The following FRYL variants were observed in gnomAD, a reference collection of about 807,000 sequenced individuals.
FRYL encodes protein furry homolog-like.
Under a neutral mutation model 351.2 loss-of-function variants are expected in FRYL, and 150 were observed. The observed-to-expected ratio is 0.43, with a 90% confidence interval of 0.37 to 0.49. FRYL has a LOEUF of 0.49. Among genes scored for constraint, FRYL ranks in the 20% least tolerant of loss-of-function variants. The pLI is 0.00. For synonymous variants in FRYL, 1,153 were observed against 1,257.1 expected (o/e 0.92, Z 1.75); for missense variants, 3,036 against 3,619.3 (o/e 0.84, Z 4.13).
Position 48,528,191 on chromosome 4 carries a change from C to T in FRYL, c.7049G>A (p.Arg2350Lys). 1.2e-6 allele frequency: 2 copies of T among 1,612,936 alleles called. No individual in the cohort carries two copies. The highest frequency in any genetic ancestry group is 1.7e-6 in the Non-Finnish European group (2 of 1,179,348). The change falls in exon 51 of 64, where the codon AGG (arginine) becomes AAG (lysine). Residue 2350 changes from arginine to lysine, a missense_variant. Around this residue, in one of 7 missense-constraint regions of FRYL, gnomAD observed 1,987 missense variants for 2,311.7 expected, o/e 0.86. Transcript: ENST00000358350. Reference sequence around the variant, plus strand: ...TTTATGTACCTGTGATAACTGTGGCCTTTTCCAACTAACAGGAACCAAGGC... The same window carrying T: ...TTTATGTACCTGTGATAACTGTGGCTTTTTCCAACTAACAGGAACCAAGGC... Reference protein sequence around the residue: ...SNALVPVSWKRPQLSQRRTRE... With the variant: ...SNALVPVSWKKPQLSQRRTRE...
chr4:48,579,076 A>G lies in FRYL; in HGVS notation c.2425T>C (p.Leu809=). ...TGTTTAGGAAGATTTTCTTGCTTTA[A>G]AAAACTGGAGAGACTTATAATCCAT... is the stretch of plus-strand genomic sequence containing the variant. ...DPWIISLSSF[L]KQENLPKHCS... The change falls in exon 23 of 64, where the codon TTA becomes CTA. Residue 809 remains leucine (L), a synonymous_variant. Coordinates refer to ENST00000358350, the MANE Select transcript of FRYL (RefSeq NM_015030.2). 6.2e-7 allele frequency: 1 copy of G among 1,614,070 alleles called. No individual in the cohort carries two copies. Among genetic ancestry groups the G allele is most frequent in the South Asian group, 1.1e-5 (1 of 91,080 alleles).
intron 4 of FRYL, among the ~76,000 whole-genome samples, chr4:48,630,486 C>T (rs1311921844): frequency 6.6e-6 from 1 of 152,092 alleles, no homozygotes. Context: ...TTTCTTCTAT[C>T]TTCTTTTCTA....
At chr4:48,656,404 TTATATATAATG>T (rs1042284681) in intron 3 of FRYL, among the ~76,000 whole-genome samples, 5 of 129,036 alleles carry the variant, frequency 3.9e-5, no homozygotes, top group South Asian at 4.6e-4. Flanking sequence ...TAATATATAA[TTATATATAATG>T]TATATATAAT....
At chr4:48,726,117 T>A (rs1770054592) in intron 1 of FRYL, among the ~76,000 whole-genome samples, 1 of 152,218 alleles carries the variant, frequency 6.6e-6, no homozygotes, top group South Asian at 2.1e-4. Flanking sequence ...TTCTAAGATA[T>A]AAGTTCTTTT....
intron 3 of FRYL, chr4:48,681,060 A>C (rs1331688626): frequency 1.6e-6 from 2 of 1,285,336 alleles, no homozygotes; most frequent in African/African-American, 3.0e-5. Flanking sequence ...AACTTTCCTC[A>C]GTACTAGTAT....
Position 48,531,304 on chromosome 4 carries a change from C to A in FRYL, c.6755G>T (p.Arg2252Leu). The change falls in exon 50 of 64, where the codon CGC becomes CTC. Residue 2252 changes from arginine (R) to leucine (L), a missense_variant. Arg to Leu is a moderately radical substitution (Grantham distance 102, BLOSUM62 -2). Transcript: ENST00000358350. ...ACTGGGTACGACAAGACTCGCAGAG[C>A]GTGACACCACCAGCTTTAATATGTT... is the stretch of plus-strand genomic sequence containing the variant. ...ALNILKLVVS[R>L]SASLVVPSDI... The A allele has an allele frequency of 1.9e-6, 3 of 1,613,702 alleles. No homozygotes were observed. The highest frequency in any genetic ancestry group is 2.5e-6 in the Non-Finnish European group (3 of 1,179,682).
chr4:48,688,645 C>T (rs1304776938), intron 2 of FRYL, among the ~76,000 whole-genome samples: 1 of 147,150 alleles, frequency 6.8e-6, no homozygotes, highest in Admixed American at 7.0e-5. Flanking sequence ...TGCATTTAAC[C>T]TTCTCTTAGT....
chr4:48,737,356 C>T (rs7697522), intron 1 of FRYL, among the ~76,000 whole-genome samples: 62,814 of 151,724 alleles, frequency 0.41, 14,292 homozygotes, highest in Admixed American at 0.56. Context: ...ATGAACAATG[C>T]TTTGCTCATG....
chr4:48,671,485 C>T (rs1305609363), intron 3 of FRYL, among the ~76,000 whole-genome samples: 6 of 151,826 alleles, frequency 4.0e-5, no homozygotes, highest in African/African-American at 4.8e-5. Context: ...CTGGCCAACA[C>T]GGTGAAACCC....
chr4:48,645,419 G>C (rs188960676), intron 3 of FRYL, among the ~76,000 whole-genome samples: 18 of 152,148 alleles, frequency 1.2e-4, no homozygotes, highest in Non-Finnish European at 1.0e-4. Context: ...AGGATGGGCT[G>C]CCAACTCCAG....
At chr4:48,771,736 C>T (rs529296745) in intron 1 of FRYL, among the ~76,000 whole-genome samples, 1 of 151,610 alleles carries the variant, frequency 6.6e-6, no homozygotes, top group East Asian at 1.9e-4. Flanking sequence ...AGCACTAAAG[C>T]TCCATGCACA....
intron 1 of FRYL, among the ~76,000 whole-genome samples, chr4:48,726,318 C>T (rs1770078718): frequency 6.6e-6 from 1 of 152,168 alleles, no homozygotes; most frequent in Non-Finnish European, 1.5e-5. Context: ...TTCCTTTTCC[C>T]TGTTGAAGTT....
chr4:48,774,875 C>G (rs1439423387), intron 1 of FRYL, among the ~76,000 whole-genome samples: 1 of 152,064 alleles, frequency 6.6e-6, no homozygotes, highest in African/African-American at 2.4e-5. Flanking sequence ...TTTTTCGTAA[C>G]AAAAAGCACA....
Position 48,499,268 on chromosome 4 carries a change from A to T in FRYL, c.*154T>A. 1 of 645,528 alleles carries T rather than the reference A, an allele frequency of 1.5e-6. No individual in the cohort carries two copies. Among genetic ancestry groups the T allele is most frequent in the Non-Finnish European group, 2.7e-6 (1 of 374,024 alleles). The allele number at this position is 645,528 out of a possible 1,614,324, so 40.0% of individuals were successfully genotyped here. A position where few individuals can be genotyped will look rare whatever the true frequency, so the allele number is the denominator to read the frequency against. ...AATATCAGATGTTTTTTTCTTTCAGATCTTTGTTTTTGATGATACAGTTTG... is the reference window on the plus strand; with the variant it reads ...AATATCAGATGTTTTTTTCTTTCAGTTCTTTGTTTTTGATGATACAGTTTG... On this transcript the variant is annotated 3_prime_UTR_variant, in exon 64 of 64. Transcript: ENST00000358350.
Position 48,550,673 on chromosome 4 carries a change from T to C in FRYL, c.4552A>G (p.Asn1518Asp). The change falls in exon 38 of 64, where the codon AAC becomes GAC. Residue 1518 changes from asparagine to aspartate, a missense_variant. Transcript: ENST00000358350. ...YVHLDIYSGLNSHLNRQHHRL... is the reference protein window; with the variant it reads ...YVHLDIYSGLDSHLNRQHHRL... The stretch of plus-strand genomic sequence containing the variant: ...TGATGTTGCCGATTCAAATGACTGT[T>C]TAGTCCACTGTAAATGTCCAGGTGC... The C allele has an allele frequency of 6.2e-7, 1 of 1,613,868 alleles. No individual in the cohort carries two copies.
chr4:48,557,704 G>C lies in FRYL; in HGVS notation c.3874C>G (p.Gln1292Glu). The C allele has an allele frequency of 6.2e-7, 1 of 1,612,910 alleles. No individual in the cohort carries two copies. The highest frequency in any genetic ancestry group is 8.5e-7 in the Non-Finnish European group (1 of 1,179,054). The change falls in exon 34 of 64, where the codon CAG (glutamine) becomes GAG (glutamate). Residue 1292 changes from glutamine (Q) to glutamate (E), a missense_variant. Transcript: ENST00000358350. ...LTLAIFSEIS[Q>E]RIQTAHPAGR... ...GCAGGGTGAGCTGTCTGGATTCTCT[G>C]GCTTATCTCTGAAATTGAAAACAAG...
At chr4:48,561,074 G>A (rs1735402256) in intron 33 of FRYL, among the ~76,000 whole-genome samples, 1 of 152,174 alleles carries the variant, frequency 6.6e-6, no homozygotes, top group Non-Finnish European at 1.5e-5. Context: ...TTCGCTCACG[G>A]AAAACTGCCT....
intron 19 of FRYL, among the ~76,000 whole-genome samples, chr4:48,583,460 A>G (rs1334324879): frequency 6.6e-6 from 1 of 152,110 alleles, no homozygotes; most frequent in Non-Finnish European, 1.5e-5. Flanking sequence ...TTCTTTATAC[A>G]CACTGAAGTT....
At chr4:48,522,813 AC>A in intron 54 of FRYL, 87 bp downstream of exon 54, 1 of 944,328 alleles carries the variant, frequency 1.1e-6, no homozygotes, top group Non-Finnish European at 1.7e-6. Context: ...TGTGCATTTC[AC>A]CCATGCACAA....
Sources: allele counts gnomAD v4.1 joint callset (sites outside exome capture counted in the v4.1 genomes callset), GRCh38; gene constraint gnomAD v4.1.1; regional missense constraint gnomAD v4.1.1; transcripts MANE v1.5; gene names NCBI Gene and HGNC (gene_info 2026-07-23, HGNC 2026-07-21).